RNASEL: variants seen among roughly 807,000 people sequenced by gnomAD.
RNASEL encodes the protein 2-5A-dependent ribonuclease.
In RNASEL, 36 loss-of-function variants were observed where a neutral mutation model predicts 50.9. The ratio of observed to expected loss-of-function variants is 0.71; its 90% confidence interval spans 0.54 to 0.93. RNASEL has a LOEUF of 0.93. RNASEL is among the 40% of genes least tolerant of loss of function. The pLI is 0.00. For missense variants in RNASEL, 860 were observed against 894.5 expected, an observed-to-expected ratio of 0.96 and a Z score of 0.49; for synonymous variants, 335 against 335.6, an observed-to-expected ratio of 1.00 and a Z score of 0.02.
Position 182,585,410 on chromosome 1 carries a change from G to A in RNASEL, c.1397C>T (p.Ser466Leu). 6.2e-7 allele frequency: 1 copy of A among 1,614,092 alleles called. No homozygotes were observed. Among genetic ancestry groups the A allele is most frequent in the South Asian group, 1.1e-5 (1 of 91,074 alleles). ...EEDEFARNVL[S>L]SIFKAVQELH... is the part of the protein sequence containing the mutation. ...TTCTTGAACAGCCTTAAATATAGATGACAGGACATTTCGGGCAAATTCATC... is the reference window on the plus strand; with the variant it reads ...TTCTTGAACAGCCTTAAATATAGATAACAGGACATTTCGGGCAAATTCATC... Residue 466 changes from serine to leucine, a missense_variant, in exon 2 of 7, where the codon TCA becomes TTA. Ser to Leu is a moderately radical substitution (Grantham distance 145). Coordinates refer to ENST00000367559, the MANE Select transcript of RNASEL (RefSeq NM_021133.4).
At chr1:182,579,984 T>C (rs1010714021) in intron 5 of RNASEL, 2 of 456,700 alleles carry the variant, frequency 4.4e-6, no homozygotes, top group African/African-American at 4.0e-5. Context: ...GAAAAATTAT[T>C]TGTCTGTGCC....
rs951231252 is a variant in RNASEL, at chr1:182,574,343, G to A, written c.*1049C>T. 2 of 227,116 alleles carry A rather than the reference G, an allele frequency of 8.8e-6. No individual in the cohort carries two copies. The highest frequency in any genetic ancestry group is 1.7e-5 in the Non-Finnish European group (2 of 114,396). The allele number at this position is 227,116 out of a possible 1,614,324, so 14.1% of individuals were successfully genotyped here. ...GCTCTGGGTGCTTGGGAGCCAGAAGGAGCTCCTAGACTGGGTATGGGAAGT... is the reference window on the plus strand; with the variant it reads ...GCTCTGGGTGCTTGGGAGCCAGAAGAAGCTCCTAGACTGGGTATGGGAAGT... On this transcript the variant is annotated 3_prime_UTR_variant, in exon 7 of 7. Coordinates refer to ENST00000367559, the MANE Select transcript of RNASEL (RefSeq NM_021133.4).
rs1356342263 is a variant in RNASEL at position 182,573,870 on chromosome 1, T to A, written c.*1522A>T. On this transcript the variant is annotated 3_prime_UTR_variant, in exon 7 of 7. Transcript: ENST00000367559. Reference sequence around the variant, plus strand: ...CCTTTTCAGAAAGAACCTAAGGTACTGTTTTATTCCCATTACAAAGCTCCA... The same window carrying A: ...CCTTTTCAGAAAGAACCTAAGGTACAGTTTTATTCCCATTACAAAGCTCCA... 1.5e-5 allele frequency: 3 copies of A among 195,178 alleles called. No individual in the cohort carries two copies. The highest frequency in any genetic ancestry group is 3.2e-5 in the Non-Finnish European group (3 of 93,844). 12.1% of individuals were successfully genotyped at this position (195,178 alleles called of 1,614,324 possible). A position where few individuals can be genotyped will look rare whatever the true frequency, so the allele number is the denominator to read the frequency against.
chr1:182,577,686 G>GA (rs925041984), intron 5 of RNASEL, among the ~76,000 whole-genome samples: 11 of 148,600 alleles, frequency 7.4e-5, no homozygotes, highest in Admixed American at 3.3e-4. Flanking sequence ...GCATCTTAAG[G>GA]AAAAAAAAAC....
chr1:182,585,567 T>A lies in RNASEL; in HGVS notation c.1240A>T (p.Asn414Tyr). The change falls in exon 2 of 7, where the codon AAC becomes TAC. Residue 414 changes from asparagine to tyrosine, a missense_variant. Transcript: ENST00000367559. ...EVSCLQSSRE[N>Y]SHLVTFYGSE... ...CCATAGAATGTCACCAAGTGACTGTTCTCTCGGCTGCTTTGCAGACAAGAG... is the reference window on the plus strand; with the variant it reads ...CCATAGAATGTCACCAAGTGACTGTACTCTCGGCTGCTTTGCAGACAAGAG... The A allele has an allele frequency of 6.2e-7, 1 of 1,614,212 alleles. No homozygotes were observed. The highest frequency in any genetic ancestry group is 8.5e-7 in the Non-Finnish European group (1 of 1,180,046).
intron 5 of RNASEL, 142 bp from the exon 6 acceptor site, chr1:182,576,531 T>C (rs1236088458): frequency 4.2e-6 from 3 of 717,374 alleles, no homozygotes; most frequent in Non-Finnish European, 6.8e-6. Context: ...AGCAAAATAA[T>C]TTAAAAATGG....
chr1:182,575,785 T>G (rs906645642), intron 6 of RNASEL, among the ~76,000 whole-genome samples: 4 of 152,220 alleles, frequency 2.6e-5, no homozygotes, highest in African/African-American at 9.6e-5. Context: ...CTTTAGATTG[T>G]TCTTTCATAA....
chr1:182,581,236 A>G lies in RNASEL; in HGVS notation c.1894T>C (p.Trp632Arg), dbSNP rs754357643. Residue 632 changes from tryptophan to arginine, a missense_variant, in exon 5 of 7, where the codon TGG becomes CGG. Physicochemically the swap from Trp to Arg is moderately radical, Grantham distance 101. Coordinates refer to ENST00000367559, the MANE Select transcript of RNASEL (RefSeq NM_021133.4). ...GGAATTGTTCATACCTTAGTCGTCC[A>G]CTTGTCAAAACTTTTGGAATGTTCA... ...PSEHSKSFDK[W>R]TTKINECVMK... 6.2e-7 allele frequency: 1 copy of G among 1,614,138 alleles called. No individual in the cohort carries two copies. Among genetic ancestry groups the G allele is most frequent in the East Asian group, 2.2e-5 (1 of 44,878 alleles).
chr1:182,580,265 G>T (rs1661466691), intron 5 of RNASEL, among the ~76,000 whole-genome samples: 1 of 152,214 alleles, frequency 6.6e-6, no homozygotes, highest in Admixed American at 6.5e-5. Context: ...AAGACAATGG[G>T]TAGTCTCTGC....
intron 5 of RNASEL, among the ~76,000 whole-genome samples, chr1:182,577,504 T>C (rs1213230985): frequency 6.6e-6 from 1 of 152,198 alleles, no homozygotes; most frequent in African/African-American, 2.4e-5. Flanking sequence ...TTTTTGTTTT[T>C]TTAGGTATAT....
At chr1:182,577,099 G>C (rs371552997) in intron 5 of RNASEL, 1 of 150,052 alleles carries the variant, frequency 6.7e-6, no homozygotes, top group Non-Finnish European at 1.5e-5. Flanking sequence ...TGGCCAGGCT[G>C]GTCTCAAACT....
chr1:182,587,347 A>C (rs1296480948), intron 1 of RNASEL, among the ~76,000 whole-genome samples: 4 of 152,018 alleles, frequency 2.6e-5, no homozygotes, highest in African/African-American at 9.7e-5. Context: ...CAGTTGTTTC[A>C]TTTCTCTATT....
Position 182,585,954 on chromosome 1 carries a change from G to A in RNASEL, c.853C>T (p.Leu285=). ...CACAGCAACTCGGCGATTTTCTTCA[G>A]TTTGAGTTCAACAGCAAGCAGCAGT... is the stretch of plus-strand genomic sequence containing the variant. ...TALLLAVELK[L]KKIAELLCKR... Residue 285 remains leucine, a synonymous_variant, in exon 2 of 7, where the codon CTG becomes TTG. Coordinates refer to ENST00000367559, the MANE Select transcript of RNASEL (RefSeq NM_021133.4). 1 of 1,614,190 alleles carries A rather than the reference G, an allele frequency of 6.2e-7. No individual in the cohort carries two copies. The highest frequency in any genetic ancestry group is 8.5e-7 in the Non-Finnish European group (1 of 1,180,032).
chr1:182,575,649 C>T lies in RNASEL; in HGVS notation c.2040-71G>A, dbSNP rs1297534154. ...CTTCCCCGCTTCACAGCATATGGCC[C>T]TGAAGATCTCTTTGCTCGCTTGATT... On this transcript the variant is annotated intron_variant, in intron 6 of 6. Transcript: ENST00000367559. 17 of 1,572,538 alleles carry T rather than the reference C, an allele frequency of 1.1e-5. No individual in the cohort carries two copies. The South Asian group carries it at 1.6e-4, about 15-fold the overall frequency.
chr1:182,579,431 G>A (rs775900024), intron 5 of RNASEL: 11 of 996,646 alleles, frequency 1.1e-5, no homozygotes, highest in Middle Eastern at 1.0e-3. Context: ...AAGAGTAACT[G>A]ATGAAAGAGC....
intron 6 of RNASEL, among the ~76,000 whole-genome samples, chr1:182,575,858 A>G (rs1336160052): frequency 2.0e-5 from 3 of 152,252 alleles, no homozygotes; most frequent in Admixed American, 1.3e-4. Context: ...AGAGCCCTGA[A>G]CTGCAAGGCT....
intron 2 of RNASEL, among the ~76,000 whole-genome samples, chr1:182,584,539 G>T (rs1248702973): frequency 6.6e-6 from 1 of 152,190 alleles, no homozygotes; most frequent in Admixed American, 6.5e-5. Context: ...GATAAGGTAT[G>T]TACTCTGCTT....
chr1:182,576,361 T>C lies in RNASEL; in HGVS notation c.1934A>G (p.Asn645Ser), dbSNP rs1198884856. 3 of 1,588,758 alleles carry C rather than the reference T, an allele frequency of 1.9e-6. No individual in the cohort carries two copies. In the African/African-American group the frequency reaches 4.0e-5, roughly 21 times the overall value. ...KINECVMKKM[N>S]KFYEKRGNFY... ...ATTGCCTCTTTTTTCATAAAACTTA[T>C]TCATTTTTTTCATAACACATTCATT... The change falls in exon 6 of 7, where the codon AAT becomes AGT. Residue 645 changes from asparagine (N) to serine (S), a missense_variant. Asn to Ser is a conservative substitution (Grantham distance 46). Transcript: ENST00000367559.
rs371856235 is a variant in RNASEL, at chr1:182,582,249, G to A, written c.1576C>T (p.Arg526Trp). Residue 526 changes from arginine (R) to tryptophan (W), a missense_variant, in exon 4 of 7, where the codon CGG becomes TGG. Transcript: ENST00000367559. ...EVKRDLEDLG[R>W]LVLYVVKKGS... ...TTCTTTACCACATAGAGGACCAGCC[G>A]TCCAAGGTCCTGCACAAAAGCCATA... The A allele has an allele frequency of 1.2e-4, 193 of 1,614,018 alleles. No homozygotes were observed. The highest frequency in any genetic ancestry group is 2.0e-4 in the South Asian group (18 of 91,088).
Sources: allele counts gnomAD v4.1 joint callset (sites outside exome capture counted in the v4.1 genomes callset), GRCh38; gene constraint gnomAD v4.1.1; transcripts MANE v1.5; gene names NCBI Gene and HGNC (gene_info 2026-07-23, HGNC 2026-07-21).